Variants in ZMIZ1 observed in about 807,000 individuals in gnomAD.
The protein encoded by ZMIZ1 is zinc finger MIZ-type containing 1, also known as zinc finger MIZ domain-containing protein 1.
In ZMIZ1, 17 loss-of-function variants were observed where a neutral mutation model predicts 113.9. The observed-to-expected ratio is 0.15, with a 90% CI of 0.10 to 0.22. The LOEUF is 0.22. ZMIZ1 is among the 10% of genes least tolerant of loss of function. The pLI is 1.00. For missense variants in ZMIZ1, 1,059 were observed against 1,477.8 expected (o/e 0.72, Z 4.65); for synonymous variants, 607 against 603.1 (o/e 1.01, Z -0.09).
At chr10:79,136,438 G>T (rs1423085831) in intron 2 of ZMIZ1, among the ~76,000 whole-genome samples, 1 of 152,242 alleles carries the variant, frequency 6.6e-6, no homozygotes, top group East Asian at 1.9e-4. Flanking sequence ...CTTGGGGTGT[G>T]CTGGGTGCTC....
chr10:79,224,789 G>A (rs1289642930), intron 7 of ZMIZ1, among the ~76,000 whole-genome samples: 1 of 152,196 alleles, frequency 6.6e-6, no homozygotes. Flanking sequence ...GGTTCCCACA[G>A]GCAGAGCCTG....
rs78060082 is a variant in ZMIZ1, at chr10:79,305,618, C to T, written c.2423+17C>T. 22,018 of 1,604,960 alleles carry T rather than the reference C, an allele frequency of 0.014. 206 individuals carry two copies. The highest frequency in any genetic ancestry group is 0.016 in the Non-Finnish European group (18,879 of 1,172,114). ...CATCCAACAGTAAGTGGGGCCCTAG[C>T]GAGGGGCAGGGGGTGGGAGGGGACG... is the stretch of plus-strand genomic sequence containing the variant. On this transcript the variant is annotated intron_variant, in intron 21 of 24. Coordinates refer to ENST00000334512, the MANE Select transcript of ZMIZ1 (RefSeq NM_020338.4).
chr10:79,202,028 C>T (rs1848105712), intron 5 of ZMIZ1, among the ~76,000 whole-genome samples: 3 of 144,428 alleles, frequency 2.1e-5, no homozygotes, highest in Admixed American at 7.1e-5. Context: ...TAGAACTAAG[C>T]TCCCTGCCCC....
Position 79,299,189 on chromosome 10 carries a change from G to T in ZMIZ1, c.1806G>T (p.Trp602Cys). The T allele has an allele frequency of 6.2e-7, 1 of 1,603,774 alleles. No homozygotes were observed. The change falls in exon 16 of 25, where the codon TGG (tryptophan) becomes TGT (cysteine). Residue 602 changes from tryptophan (W) to cysteine (C), a missense_variant and splice_region_variant. Trp to Cys is a radical substitution (Grantham distance 215). This residue lies in a region of ZMIZ1 where 217 missense variants were observed against 426.9 expected (regional missense o/e 0.51). Transcript: ENST00000334512. The part of the protein sequence containing the change: ...LRPTVHQTLM[W>C]RSDLELQFKC... ...CCACGGTCCACCAGACGCTGATGTG[G>T]AGGTGCGTGTCAGGGCAGGGGCGCC... is the stretch of plus-strand genomic sequence containing the variant.
intron 3 of ZMIZ1, among the ~76,000 whole-genome samples, chr10:79,145,647 G>A (rs1845448317): frequency 6.6e-6 from 1 of 152,236 alleles, no homozygotes. Flanking sequence ...GAGTCATGGA[G>A]TTATTGTGAG....
chr10:79,099,739 C>T (rs1843295538), intron 1 of ZMIZ1, among the ~76,000 whole-genome samples: 4 of 152,206 alleles, frequency 2.6e-5, no homozygotes, highest in Admixed American at 2.6e-4. Flanking sequence ...CATAAACCCC[C>T]TGTGACTTGG....
rs1332792135 is a variant in ZMIZ1, at chr10:79,307,056, C to T, written c.2669-349C>T. On this transcript the variant is annotated intron_variant, in intron 22 of 24. Coordinates refer to ENST00000334512, the MANE Select transcript of ZMIZ1 (RefSeq NM_020338.4). ...ACATGCACCCACTCTGGGCCTGGGTCTTGCTGGGTATGAAAAGTGCCCACA... is the reference window on the plus strand; with the variant it reads ...ACATGCACCCACTCTGGGCCTGGGTTTTGCTGGGTATGAAAAGTGCCCACA... Among the ~76,000 whole-genome samples the T allele has an allele frequency of 4.6e-5, 7 of 152,298 alleles. No individual in the cohort carries two copies. The East Asian group carries it at 1.4e-3, about 29-fold the overall frequency.
At chr10:79,275,590 A>G (rs1420494577) in intron 7 of ZMIZ1, among the ~76,000 whole-genome samples, 3 of 152,208 alleles carry the variant, frequency 2.0e-5, no homozygotes, top group African/African-American at 7.2e-5. Flanking sequence ...GGTGTCTTCC[A>G]CCAGTGCCGG....
chr10:79,080,180 G>A (rs574533494), intron 1 of ZMIZ1, among the ~76,000 whole-genome samples: 12 of 152,264 alleles, frequency 7.9e-5, no homozygotes, highest in African/African-American at 2.6e-4. Flanking sequence ...GTGATGGTTG[G>A]GAGCAAGTAA....
chr10:79,225,353 A>G (rs910691543), intron 7 of ZMIZ1, among the ~76,000 whole-genome samples: 12 of 152,214 alleles, frequency 7.9e-5, no homozygotes, highest in African/African-American at 2.7e-4. Context: ...AAACAAAGAC[A>G]GTAGAAACCA....
intron 2 of ZMIZ1, among the ~76,000 whole-genome samples, chr10:79,135,816 T>C (rs1844976955): frequency 6.6e-6 from 1 of 152,184 alleles, no homozygotes; most frequent in Non-Finnish European, 1.5e-5. Flanking sequence ...CTGAGGGTCA[T>C]GTGCAAAGTG....
At chr10:79,239,591 G>T (rs939786620) in intron 7 of ZMIZ1, among the ~76,000 whole-genome samples, 1 of 152,148 alleles carries the variant, frequency 6.6e-6, no homozygotes, top group Admixed American at 6.5e-5. Flanking sequence ...CAGCAGAGCC[G>T]TCCCTGGCTT....
At chr10:79,075,627 A>G (rs185319559) in intron 1 of ZMIZ1, among the ~76,000 whole-genome samples, 15 of 152,072 alleles carry the variant, frequency 9.9e-5, no homozygotes, top group African/African-American at 3.4e-4. Flanking sequence ...ACCTGCACAC[A>G]CATGCACACA....
At chr10:79,300,288 G>A (rs1854204328) in intron 16 of ZMIZ1, among the ~76,000 whole-genome samples, 1 of 152,166 alleles carries the variant, frequency 6.6e-6, no homozygotes, top group South Asian at 2.1e-4. Context: ...CTGCGTCCTT[G>A]GGGGGCCTCC....
Position 79,180,161 on chromosome 10 carries a change from C to T in ZMIZ1, c.-50+18028C>T, listed in dbSNP as rs546008754. Among the ~76,000 whole-genome samples the T allele has an allele frequency of 4.6e-5, 7 of 152,312 alleles. No homozygotes were observed. The South Asian group carries it at 1.4e-3, about 32-fold the overall frequency. ...GGAGGGGGCATGGCCTGCTCCTGAT[C>T]AGGGACAGCCCTCAGGGGGCCTCTC... is the stretch of plus-strand genomic sequence containing the variant. On this transcript the variant is annotated intron_variant, in intron 4 of 24. Coordinates refer to ENST00000334512, the MANE Select transcript of ZMIZ1 (RefSeq NM_020338.4).
In ZMIZ1 at chr10:79,069,595, C is replaced by T. The variant is rs1428746762; in HGVS notation, c.-337+325C>T. Among the ~76,000 whole-genome samples, 1 of 151,442 alleles carries T rather than the reference C, an allele frequency of 6.6e-6. No individual in the cohort carries two copies. The highest frequency in any genetic ancestry group is 6.6e-5 in the Admixed American group (1 of 15,252). ...CCGCCTCCTGCCGGCGCGCCTCCAG[C>T]CCTCGCTCCCTACACCCGGGGGCCG... On this transcript the variant is annotated intron_variant, in intron 1 of 24. Transcript: ENST00000334512. This position sits in a 1 kb window ranked among gnomAD's most constrained non-coding sequence, Gnocchi z 4.6.
chr10:79,255,135 C>T (rs1850805045), intron 7 of ZMIZ1, among the ~76,000 whole-genome samples: 1 of 152,182 alleles, frequency 6.6e-6, no homozygotes, highest in African/African-American at 2.4e-5. Flanking sequence ...TTTCTGCCTG[C>T]CAGGTGGGCA....
rs781240560 is a variant in ZMIZ1 at position 79,298,546 on chromosome 10, C to A, written c.1632C>A (p.Ile544=). 8.7e-6 allele frequency: 14 copies of A among 1,602,936 alleles called. No individual in the cohort carries two copies. The highest frequency in any genetic ancestry group is 1.2e-5 in the Non-Finnish European group (14 of 1,175,292). The change falls in exon 15 of 25, where the codon ATC becomes ATA. Residue 544 remains isoleucine (I), a synonymous_variant. Transcript: ENST00000334512. ...QDVKPPFPPD[I]KPNMSALPPP... ...TCAAACCACCCTTCCCGCCTGACAT[C>A]AAGCCAAATATGAGCGCTCTGCCAC...
At chr10:79,267,856 T>G (rs1281772464) in intron 7 of ZMIZ1, among the ~76,000 whole-genome samples, 1 of 152,138 alleles carries the variant, frequency 6.6e-6, no homozygotes, top group Non-Finnish European at 1.5e-5. Context: ...TTTTAGAGAT[T>G]TGATGAGGAG....
Sources: allele counts gnomAD v4.1 joint callset (sites outside exome capture counted in the v4.1 genomes callset), GRCh38; gene constraint gnomAD v4.1.1; regional missense constraint gnomAD v4.1.1; non-coding constraint Gnocchi (gnomAD v3.1); transcripts MANE v1.5; gene names NCBI Gene and HGNC (gene_info 2026-07-23, HGNC 2026-07-21).